The following NTM variants were observed in gnomAD, a reference collection of about 807,000 sequenced individuals.
The protein encoded by NTM is IgLON family member 2.
Under a neutral mutation model 42.1 loss-of-function variants are expected in NTM, and 13 were observed. That is an observed-to-expected ratio of 0.31 (90% CI 0.20 to 0.49). The LOEUF is 0.49. Among genes scored for constraint, NTM ranks in the 20% least tolerant of loss-of-function variants. NTM has a pLI of 0.99. For missense variants in NTM, 373 were observed against 452.8 expected, an observed-to-expected ratio of 0.82 and a Z score of 1.60; for synonymous variants, 187 against 179.2, an observed-to-expected ratio of 1.04 and a Z score of -0.35.
chr11:132,268,656 T>C (rs897916371), intron 4 of NTM, among the ~76,000 whole-genome samples: 2 of 68,082 alleles, frequency 2.9e-5, no homozygotes, highest in African/African-American at 1.1e-4. Flanking sequence ...TGGTGTGGGG[T>C]CCTCTCTCTC....
intron 1 of NTM, among the ~76,000 whole-genome samples, chr11:131,713,440 C>T (rs1215609561): frequency 6.6e-6 from 1 of 152,158 alleles, no homozygotes; most frequent in African/African-American, 2.4e-5. Flanking sequence ...GTCTCATTAA[C>T]ACTTCTTGCC....
intron 2 of NTM, among the ~76,000 whole-genome samples, chr11:132,042,232 G>C (rs1024636787): frequency 6.6e-6 from 1 of 152,122 alleles, no homozygotes; most frequent in Non-Finnish European, 1.5e-5. Context: ...GATCATAGAT[G>C]CCAAATAGCA....
chr11:132,221,101 C>T (rs1387453506), intron 4 of NTM, among the ~76,000 whole-genome samples: 1 of 152,170 alleles, frequency 6.6e-6, no homozygotes, highest in East Asian at 1.9e-4. Flanking sequence ...ATGAAAACGT[C>T]CATATCACTA....
chr11:132,152,057 A>G (rs2072041479), intron 3 of NTM, among the ~76,000 whole-genome samples: 1 of 152,264 alleles, frequency 6.6e-6, no homozygotes, highest in African/African-American at 2.4e-5. Flanking sequence ...GAGAACAGGA[A>G]CAATAACTTT....
At chr11:132,161,845 G>A (rs2074361440) in intron 3 of NTM, among the ~76,000 whole-genome samples, 1 of 152,134 alleles carries the variant, frequency 6.6e-6, no homozygotes, top group African/African-American at 2.4e-5. Flanking sequence ...GAGCCCACAT[G>A]GCCGTTGTAG....
At chr11:131,870,779 G>T (rs532024759) in intron 1 of NTM, among the ~76,000 whole-genome samples, 2 of 152,236 alleles carry the variant, frequency 1.3e-5, no homozygotes, top group East Asian at 1.9e-4. Context: ...ATGAGCCTAA[G>T]AAATAACCCA....
chr11:132,316,812 T>TGA (rs1272347623), intron 7 of NTM, among the ~76,000 whole-genome samples: 2 of 152,194 alleles, frequency 1.3e-5, no homozygotes, highest in East Asian at 3.9e-4. Context: ...GGTTCATTAT[T>TGA]GAGGCTCACC....
intron 3 of NTM, among the ~76,000 whole-genome samples, chr11:132,179,892 T>C (rs1326059327): frequency 6.6e-6 from 1 of 152,216 alleles, no homozygotes; most frequent in African/African-American, 2.4e-5. Flanking sequence ...GGGAGCAGAC[T>C]GCCTCTTCTA....
At chr11:131,927,943 C>A (rs1329187678) in intron 2 of NTM, among the ~76,000 whole-genome samples, 2 of 151,864 alleles carry the variant, frequency 1.3e-5, no homozygotes, top group Non-Finnish European at 2.9e-5. Flanking sequence ...AGAATATGTT[C>A]TATATTGGGA....
intron 1 of NTM, among the ~76,000 whole-genome samples, chr11:131,514,829 C>T (rs985264144): frequency 2.0e-5 from 3 of 152,098 alleles, no homozygotes; most frequent in African/African-American, 4.8e-5. Context: ...AAGGCTCAAA[C>T]GATCCTACTG....
chr11:131,618,205 A>G (rs1318031248), intron 1 of NTM, among the ~76,000 whole-genome samples: 1 of 152,190 alleles, frequency 6.6e-6, no homozygotes, highest in African/African-American at 2.4e-5. Flanking sequence ...CAAGACCTCA[A>G]AAGGCCTCCA....
intron 2 of NTM, among the ~76,000 whole-genome samples, chr11:132,111,817 A>G (rs2063240058): frequency 6.6e-6 from 1 of 152,258 alleles, no homozygotes; most frequent in South Asian, 2.1e-4. Context: ...ACCACTTGGA[A>G]GCTGGATCTG....
At chr11:131,925,623 G>A (rs559517272) in intron 2 of NTM, among the ~76,000 whole-genome samples, 1 of 152,166 alleles carries the variant, frequency 6.6e-6, no homozygotes, top group Admixed American at 6.5e-5. Flanking sequence ...GGGATCAAGT[G>A]ATCTGCCTGC....
chr11:131,762,249 T>C (rs1255367106), intron 1 of NTM, among the ~76,000 whole-genome samples: 1 of 152,088 alleles, frequency 6.6e-6, no homozygotes, highest in African/African-American at 2.4e-5. Context: ...AATAGAAAAA[T>C]AGTACAAAGA....
intron 1 of NTM, among the ~76,000 whole-genome samples, chr11:131,830,021 A>T (rs1202969015): frequency 6.6e-6 from 1 of 152,080 alleles, no homozygotes; most frequent in Non-Finnish European, 1.5e-5. Flanking sequence ...GCCCATTTTT[A>T]AATGGGGTTA....
At chr11:131,579,494 C>T (rs900346574) in intron 1 of NTM, among the ~76,000 whole-genome samples, 4 of 152,148 alleles carry the variant, frequency 2.6e-5, no homozygotes, top group African/African-American at 2.4e-5. Flanking sequence ...GGCCCCACGT[C>T]GGCCTGGAGG....
Position 131,860,072 on chromosome 11 carries a change from G to T in NTM, c.83-51492G>T, listed in dbSNP as rs80312950. Among the ~76,000 whole-genome samples, 427 of 152,240 alleles carry T rather than the reference G, an allele frequency of 2.8e-3. 2 individuals carry two copies. The highest frequency in any genetic ancestry group is 9.8e-3 in the African/African-American group (405 of 41,536). ...CTTAGTCACTCCTGGGGGATGATGC[G>T]TCTATATCGGGCCTCAGCTCCTATC... On this transcript the variant is annotated intron_variant, in intron 1 of 8. Transcript: ENST00000683400.
chr11:131,987,762 A>G (rs1305158715), intron 2 of NTM, among the ~76,000 whole-genome samples: 1 of 152,226 alleles, frequency 6.6e-6, no homozygotes, highest in Non-Finnish European at 1.5e-5. Context: ...GGCTGAAAAA[A>G]AGTCCAAACA....
chr11:131,440,868 A>G (rs747114388), intron 1 of NTM, among the ~76,000 whole-genome samples: 7 of 122,426 alleles, frequency 5.7e-5, no homozygotes, highest in Admixed American at 9.9e-5. Flanking sequence ...AAAAAAATTC[A>G]TGCCCGTGTC....
Sources: gnomAD v4.1 joint callset for allele counts (sites outside exome capture counted in the v4.1 genomes callset) on GRCh38, gnomAD v4.1.1 for gene constraint, MANE v1.5 for transcripts, NCBI Gene and HGNC (gene_info 2026-07-23, HGNC 2026-07-21) for gene names.